PALM: variants seen among roughly 807,000 people sequenced by gnomAD.
PALM encodes the protein paralemmin, also known as paralemmin-1.
In PALM, 18 loss-of-function variants were observed where a neutral mutation model predicts 30.7. The ratio of observed to expected loss-of-function variants is 0.59; its 90% CI spans 0.41 to 0.87. The LOEUF (loss-of-function observed/expected upper bound fraction) is 0.87, where lower values mean the gene tolerates loss of function less well. Among genes scored for constraint, PALM ranks in the 40% least tolerant of loss-of-function variants. The probability of loss-of-function intolerance (pLI) is 0.00; values close to 1 mark genes in which losing one functional copy is unlikely to be tolerated. For missense variants in PALM, 529 were observed against 555.4 expected (o/e 0.95, Z 0.48); for synonymous variants, 286 against 242.8 (o/e 1.18, Z -1.66).
intron 4 of PALM, among the ~76,000 whole-genome samples, chr19:730,422 C>T (rs1482830459): frequency 1.3e-5 from 2 of 152,216 alleles, no homozygotes; most frequent in Admixed American, 6.5e-5. Flanking sequence ...CTGCTTGTCC[C>T]GTTATCTCTT....
intron 4 of PALM, 165 bp downstream of exon 4, chr19:727,859 G>C (rs2032739807): frequency 1.5e-6 from 1 of 674,108 alleles, no homozygotes. Flanking sequence ...GGACGGGACA[G>C]ATCAGGTTGG....
chr19:715,153 A>G (rs2032216456), intron 1 of PALM, among the ~76,000 whole-genome samples: 2 of 152,126 alleles, frequency 1.3e-5, no homozygotes, highest in Non-Finnish European at 2.9e-5. Context: ...CTATAATCCC[A>G]GCTACTCGGG....
chr19:739,642 C>T (rs900459058), intron 7 of PALM, among the ~76,000 whole-genome samples: 1 of 152,044 alleles, frequency 6.6e-6, no homozygotes, highest in Non-Finnish European at 1.5e-5. Context: ...GATCGTGCCG[C>T]TCCACTCCAG....
At chr19:723,646 C>T (rs2032567920) in intron 1 of PALM, among the ~76,000 whole-genome samples, 1 of 62,132 alleles carries the variant, frequency 1.6e-5, no homozygotes, top group Admixed American at 2.3e-4. Context: ...GGCTGGAGTG[C>T]AGCGCGTGAT....
intron 1 of PALM, among the ~76,000 whole-genome samples, chr19:715,679 T>C (rs1568218574): frequency 6.6e-6 from 1 of 152,110 alleles, no homozygotes. Flanking sequence ...GGAGGAGCAG[T>C]GGCTGACCTG....
In PALM at chr19:731,096, T is replaced by A; in HGVS notation, c.271T>A (p.Leu91Met). 1.3e-6 allele frequency: 2 copies of A among 1,580,606 alleles called. No individual in the cohort carries two copies. Among genetic ancestry groups the A allele is most frequent in the Non-Finnish European group, 1.7e-6 (2 of 1,162,832 alleles). The stretch of plus-strand genomic sequence containing the variant: ...CTCACAGGCACACCCTCTCCCCAGG[T>A]TGGAGAAGGAAATTGAGGTGCTGGA... ...TRLLEDSVSR[L>M]EKEIEVLERG... The change falls in exon 5 of 9, where the codon TTG becomes ATG. Residue 91 changes from leucine (L) to methionine (M), a missense_variant and splice_region_variant. By Grantham distance (15) the Leu-to-Met change is conservative. Coordinates refer to ENST00000338448, the MANE Select transcript of PALM (RefSeq NM_002579.3).
At position 740,343 on chromosome 19, in the gene PALM, T is replaced by C. The variant is rs779078669; in HGVS notation, c.503-9T>C. ...AGGCCGTGGTGTAACCCCGTGACTC[T>C]CGTGCCAGCCATGTACTCGGTTGAG... is the stretch of plus-strand genomic sequence containing the variant. On this transcript the variant is annotated splice_polypyrimidine_tract_variant and intron_variant, in intron 7 of 8. Transcript: ENST00000338448. 1.9e-6 allele frequency: 3 copies of C among 1,558,862 alleles called. No individual in the cohort carries two copies. Among genetic ancestry groups the C allele is most frequent in the Middle Eastern group, 3.3e-4 (2 of 5,978 alleles).
At chr19:735,765 CTGTCTGGG>C (rs2033005449) in intron 6 of PALM, among the ~76,000 whole-genome samples, 1 of 93,562 alleles carries the variant, frequency 1.1e-5, no homozygotes, top group African/African-American at 4.6e-5. Context: ...GCCCAGGTGC[CTGTCTGGG>C]TGTCTGGGGG....
intron 6 of PALM, chr19:734,954 G>A (rs1479662627): frequency 1.5e-5 from 7 of 468,902 alleles, no homozygotes; most frequent in Admixed American, 6.4e-5. Flanking sequence ...TATTCATAAG[G>A]AGAGTGTCTT....
At chr19:737,986 GGGACA>G (rs1192847160) in intron 7 of PALM, among the ~76,000 whole-genome samples, 1 of 152,144 alleles carries the variant, frequency 6.6e-6, no homozygotes, top group African/African-American at 2.4e-5. Flanking sequence ...CCAGGTGGAG[GGGACA>G]GGGCTGCTGG....
At chr19:726,038 T>G (rs1441168409) in intron 1 of PALM, 100 bp from the exon 2 acceptor site, 5 of 899,860 alleles carry the variant, frequency 5.6e-6, no homozygotes, top group Non-Finnish European at 9.1e-6. Flanking sequence ...TCCCTTGCCC[T>G]GGTTACCCCT....
At chr19:736,530 G>A (rs1024963465) in intron 7 of PALM, among the ~76,000 whole-genome samples, 3 of 152,182 alleles carry the variant, frequency 2.0e-5, no homozygotes, top group Non-Finnish European at 4.4e-5. Context: ...CCCCAGCACC[G>A]CTGCGCTTCC....
In PALM at chr19:747,012, C is replaced by T. The variant is rs928188291; in HGVS notation, c.*198C>T. ...CGTCACCACGCCCCAACACTCCCCC[C>T]GAACCAGAGCCGTGCACTTGTGCCT... On this transcript the variant is annotated 3_prime_UTR_variant, in exon 9 of 9. Transcript: ENST00000338448. 4.4e-5 allele frequency: 26 copies of T among 584,486 alleles called. No homozygotes were observed. Among genetic ancestry groups the T allele is most frequent in the Non-Finnish European group, 6.1e-5 (20 of 328,374 alleles). The allele number at this position is 584,486 out of a possible 1,614,324, so 36.2% of individuals were successfully genotyped here.
At chr19:740,651 G>T (rs1034254050) in intron 8 of PALM, among the ~76,000 whole-genome samples, 168 bp downstream of exon 8, 1 of 152,246 alleles carries the variant, frequency 6.6e-6, no homozygotes, top group African/African-American at 2.4e-5. Context: ...CCACAGCTGG[G>T]CTCAGAGGTC....
chr19:711,317 T>C (rs1171452143), intron 1 of PALM: 1 of 435,272 alleles, frequency 2.3e-6, no homozygotes, highest in Non-Finnish European at 3.1e-6. Context: ...AAAATAAAGA[T>C]ATTTTGGCCT....
chr19:734,110 T>C (rs1599158472), intron 5 of PALM, 63 bp from the exon 6 acceptor site: 1 of 1,555,034 alleles, frequency 6.4e-7, no homozygotes, highest in Non-Finnish European at 8.9e-7. Context: ...CCTGACCCCA[T>C]GGCTCCCCTT....
chr19:731,800 C>T (rs1452443713), intron 5 of PALM, among the ~76,000 whole-genome samples: 1 of 152,186 alleles, frequency 6.6e-6, no homozygotes, highest in Non-Finnish European at 1.5e-5. Context: ...GCTGGGACTA[C>T]AGGCGCCTGC....
In PALM at chr19:742,729, G is replaced by A. The variant is rs2033229654; in HGVS notation, c.634+2246G>A. 6.6e-6 allele frequency among the ~76,000 whole-genome samples: 1 copy of A among 152,174 alleles called. No individual in the cohort carries two copies. The highest frequency in any genetic ancestry group is 2.4e-5 in the African/African-American group (1 of 41,452). ...TGCATCGGCACTGTGGCCTGGGTCG[G>A]AGCCTGACTCCTTTTCATGGCTGAA... On this transcript the variant is annotated intron_variant, in intron 8 of 8. Transcript: ENST00000338448. This position sits in a 1 kb window ranked among gnomAD's most constrained non-coding sequence, Gnocchi z 5.5.
At chr19:738,483 G>C (rs1235702687) in intron 7 of PALM, among the ~76,000 whole-genome samples, 1 of 151,840 alleles carries the variant, frequency 6.6e-6, no homozygotes, top group South Asian at 2.1e-4. Flanking sequence ...CTGAGATCAC[G>C]CCACTGCACT....
Sources: gnomAD v4.1 joint callset for allele counts (sites outside exome capture counted in the v4.1 genomes callset) on GRCh38, gnomAD v4.1.1 for gene constraint, Gnocchi (gnomAD v3.1) non-coding constraint, MANE v1.5 for transcripts, NCBI Gene and HGNC (gene_info 2026-07-23, HGNC 2026-07-21) for gene names.